MED12L: variants seen among roughly 807,000 people sequenced by gnomAD.
MED12L encodes the protein mediator complex subunit 12L, also known as mediator of RNA polymerase II transcription subunit 12-like protein.
In MED12L, 60 loss-of-function variants were observed where a neutral mutation model predicts 281.3. The ratio of observed to expected loss-of-function variants is 0.21; its 90% confidence interval spans 0.17 to 0.26. The LOEUF is 0.26. MED12L is among the 10% of genes least tolerant of loss of function. The pLI is 1.00. For missense variants in MED12L, 2,146 were observed against 2,680.9 expected (o/e 0.80, Z 4.41); for synonymous variants, 974 against 987.2 (o/e 0.99, Z 0.25).
At chr3:151,194,969 C>T (rs1287826614) in intron 16 of MED12L, among the ~76,000 whole-genome samples, 1 of 152,126 alleles carries the variant, frequency 6.6e-6, no homozygotes, top group Non-Finnish European at 1.5e-5. Flanking sequence ...TCGAGACCAT[C>T]CTGGCTAACA....
chr3:151,304,198 A>C (rs1468198110), intron 16 of MED12L, among the ~76,000 whole-genome samples: 1 of 152,170 alleles, frequency 6.6e-6, no homozygotes, highest in Non-Finnish European at 1.5e-5. Flanking sequence ...CTGTGACAGA[A>C]AGGAGACAGA....
At chr3:151,288,182 G>A (rs78047489) in intron 16 of MED12L, among the ~76,000 whole-genome samples, 6,427 of 152,256 alleles carry the variant, frequency 0.042, 152 homozygotes, top group East Asian at 0.13. Context: ...TATGTTCAGT[G>A]GCTGGGACCA....
At chr3:151,288,262 AT>A (rs937245003) in intron 16 of MED12L, among the ~76,000 whole-genome samples, 1 of 152,224 alleles carries the variant, frequency 6.6e-6, no homozygotes, top group African/African-American at 2.4e-5. Context: ...CATGCTGCTT[AT>A]AGGAGTGACC....
At chr3:151,429,101 C>G (rs1447906502) in intron 43 of MED12L, among the ~76,000 whole-genome samples, 1 of 152,186 alleles carries the variant, frequency 6.6e-6, no homozygotes, top group Non-Finnish European at 1.5e-5. Flanking sequence ...TGCCCCTAAT[C>G]CCAGCGGGAC....
intron 5 of MED12L, among the ~76,000 whole-genome samples, chr3:151,130,054 C>G (rs1715147286): frequency 6.6e-6 from 1 of 152,156 alleles, no homozygotes; most frequent in African/African-American, 2.4e-5. Context: ...CAGGGTGAGC[C>G]ACTGCCCAAC....
intron 11 of MED12L, among the ~76,000 whole-genome samples, chr3:151,180,787 CTT>C (rs1722611129): frequency 6.6e-6 from 1 of 152,198 alleles, no homozygotes; most frequent in Admixed American, 6.5e-5. Context: ...GGACCCAACT[CTT>C]CTGCACAGAC....
At chr3:151,328,636 G>T in intron 16 of MED12L, 1 of 1,613,854 alleles carries the variant, frequency 6.2e-7, no homozygotes, top group African/African-American at 1.3e-5. Flanking sequence ...TGAGGAATCT[G>T]TCAAAGGCTA....
At chr3:151,258,319 T>G (rs1401260704) in intron 16 of MED12L, among the ~76,000 whole-genome samples, 1 of 152,252 alleles carries the variant, frequency 6.6e-6, no homozygotes, top group Non-Finnish European at 1.5e-5. Flanking sequence ...TAATTCTGTT[T>G]GTTGTCTTGT....
chr3:151,134,878 TGAA>T (rs1715911437), intron 5 of MED12L, among the ~76,000 whole-genome samples: 1 of 152,160 alleles, frequency 6.6e-6, no homozygotes, highest in Admixed American at 6.5e-5. Flanking sequence ...AAAGCCTGTG[TGAA>T]GGTTTGTTTG....
At chr3:151,284,464 G>A (rs1008079900) in intron 16 of MED12L, among the ~76,000 whole-genome samples, 1 of 152,072 alleles carries the variant, frequency 6.6e-6, no homozygotes, top group Admixed American at 6.5e-5. Context: ...GTGGTTTTAG[G>A]CAATTAATGC....
At chr3:151,357,175 G>T in intron 19 of MED12L, 38 bp from the exon 20 acceptor site, 1 of 1,501,394 alleles carries the variant, frequency 6.7e-7, no homozygotes, top group Non-Finnish European at 9.0e-7. Flanking sequence ...ATTTGTTTTG[G>T]CACCTACATG....
At chr3:151,095,212 A>C (rs1720554541) in intron 2 of MED12L, among the ~76,000 whole-genome samples, 1 of 152,242 alleles carries the variant, frequency 6.6e-6, no homozygotes, top group South Asian at 2.1e-4. Flanking sequence ...TGATTGTTAA[A>C]ATTTCAGGAA....
intron 5 of MED12L, among the ~76,000 whole-genome samples, chr3:151,141,178 G>GTTTGTTTGTTTTTTTT (rs1553808456): frequency 2.0e-5 from 2 of 102,190 alleles, no homozygotes; most frequent in African/African-American, 8.6e-5. Flanking sequence ...TTTTTTTTTT[G>GTTTGTTTGTTTTTTTT]TTTTTTTTGT....
At chr3:151,305,908 A>G (rs1746572005) in intron 16 of MED12L, among the ~76,000 whole-genome samples, 1 of 152,172 alleles carries the variant, frequency 6.6e-6, no homozygotes, top group Non-Finnish European at 1.5e-5. Flanking sequence ...CCATTTTGAA[A>G]GATGAGAAGA....
In MED12L at chr3:151,243,802, A is replaced by G. The variant is rs1169670420; in HGVS notation, c.2250+50136A>G. 2.6e-3 allele frequency among the ~76,000 whole-genome samples: 400 copies of G among 151,860 alleles called. 2 individuals are homozygous for G. The highest frequency in any genetic ancestry group is 8.9e-3 in the African/African-American group (370 of 41,368). On this transcript the variant is annotated intron_variant, in intron 16 of 44. Transcript: ENST00000687756. The stretch of plus-strand genomic sequence containing the variant: ...AAATGTAAATGGACTAAATGCTCCA[A>G]TTAAACGACACAGACTGGCAAATTG...
chr3:151,101,956 C>T (rs888176639), intron 2 of MED12L, among the ~76,000 whole-genome samples: 1 of 152,140 alleles, frequency 6.6e-6, no homozygotes, highest in Non-Finnish European at 1.5e-5. Flanking sequence ...ACTCATATTT[C>T]TTGGAACACT....
chr3:151,322,962 C>T (rs1425233614), intron 16 of MED12L, among the ~76,000 whole-genome samples: 1 of 152,148 alleles, frequency 6.6e-6, no homozygotes, highest in Non-Finnish European at 1.5e-5. Flanking sequence ...CTCTTTGACC[C>T]TAGCTCTTTC....
chr3:151,324,705 T>C (rs934931873), intron 16 of MED12L, among the ~76,000 whole-genome samples: 7 of 152,214 alleles, frequency 4.6e-5, no homozygotes, highest in Non-Finnish European at 1.0e-4. Flanking sequence ...GTTTTGATGG[T>C]TCTAGCAATG....
intron 16 of MED12L, among the ~76,000 whole-genome samples, chr3:151,222,349 T>A (rs758830224): frequency 1.3e-5 from 2 of 152,198 alleles, no homozygotes; most frequent in African/African-American, 4.8e-5. Context: ...TGTGAAGATA[T>A]GAGATTTGGG....
Sources: gnomAD v4.1 joint callset for allele counts (sites outside exome capture counted in the v4.1 genomes callset) on GRCh38, gnomAD v4.1.1 for gene constraint, MANE v1.5 for transcripts, NCBI Gene and HGNC (gene_info 2026-07-23, HGNC 2026-07-21) for gene names.